The following ZNF407 variants were observed in gnomAD, a reference collection of about 807,000 sequenced individuals.
ZNF407 encodes the protein zinc finger protein 407.
A neutral mutation model predicts 131.2 loss-of-function variants in ZNF407; 17 were observed. The ratio of observed to expected loss-of-function variants is 0.13; its 90% confidence interval spans 0.09 to 0.19. The LOEUF (loss-of-function observed/expected upper bound fraction) is 0.19, where lower values mean the gene tolerates loss of function less well. Among genes scored for constraint, ZNF407 ranks in the 10% least tolerant of loss-of-function variants. ZNF407 has a pLI of 1.00. For missense variants in ZNF407, 2,681 were observed against 2,830.6 expected (o/e 0.95, Z 1.20); for synonymous variants, 1,156 against 1,062.0 (o/e 1.09, Z -1.72).
intron 4 of ZNF407, among the ~76,000 whole-genome samples, chr18:74,831,153 G>A (rs1300533239): frequency 1.3e-5 from 2 of 152,040 alleles, no homozygotes; most frequent in African/African-American, 4.8e-5. Context: ...TATATACCAT[G>A]TTTTCCTTAT....
intron 4 of ZNF407, among the ~76,000 whole-genome samples, chr18:74,870,676 C>T (rs1971073964): frequency 6.6e-6 from 1 of 152,072 alleles, no homozygotes; most frequent in East Asian, 1.9e-4. Context: ...AGCCTTTGTA[C>T]ACACACGTAC....
At chr18:74,774,187 G>A (rs1969420231) in intron 3 of ZNF407, among the ~76,000 whole-genome samples, 1 of 152,256 alleles carries the variant, frequency 6.6e-6, no homozygotes, top group East Asian at 1.9e-4. Flanking sequence ...AGAAAGTGAG[G>A]GTGAGAGAGT....
intron 8 of ZNF407, among the ~76,000 whole-genome samples, chr18:75,052,864 G>A (rs766628024): frequency 6.6e-6 from 1 of 152,170 alleles, no homozygotes; most frequent in African/African-American, 2.4e-5. Context: ...CCTGATCAGC[G>A]TTCGGACCCA....
chr18:74,919,224 T>C (rs970809602), intron 7 of ZNF407, among the ~76,000 whole-genome samples: 1 of 152,240 alleles, frequency 6.6e-6, no homozygotes, highest in Non-Finnish European at 1.5e-5. Flanking sequence ...TCTAGCGTCA[T>C]TGACTGCCTT....
chr18:74,812,772 G>T (rs1242320967), intron 4 of ZNF407, among the ~76,000 whole-genome samples: 1 of 151,950 alleles, frequency 6.6e-6, no homozygotes, highest in Non-Finnish European at 1.5e-5. Context: ...TGTTCTCGTT[G>T]TTCCTTCTCC....
chr18:74,900,500 CTG>C (rs1197678261), intron 7 of ZNF407, among the ~76,000 whole-genome samples: 2 of 152,214 alleles, frequency 1.3e-5, no homozygotes, highest in African/African-American at 4.8e-5. Context: ...CTTGTGTTGA[CTG>C]TGTTTCACTA....
intron 8 of ZNF407, among the ~76,000 whole-genome samples, chr18:75,019,483 T>C (rs1161306217): frequency 5.3e-5 from 8 of 152,182 alleles, no homozygotes; most frequent in Admixed American, 5.2e-4. Flanking sequence ...CCAGAAACAG[T>C]TATTTAAATT....
chr18:75,005,703 C>G (rs954912049), intron 8 of ZNF407, among the ~76,000 whole-genome samples: 1 of 104,770 alleles, frequency 9.5e-6, no homozygotes, highest in Non-Finnish European at 1.9e-5. Context: ...CCCGCCACCC[C>G]CCCCACCCAC....
chr18:74,977,154 G>A (rs746130464), intron 8 of ZNF407, among the ~76,000 whole-genome samples: 1 of 152,212 alleles, frequency 6.6e-6, no homozygotes, highest in Non-Finnish European at 1.5e-5. Flanking sequence ...CTGATGGTCT[G>A]GATAATACTT....
chr18:74,627,846 G>T (rs1009453648), intron 1 of ZNF407, among the ~76,000 whole-genome samples: 2 of 18,770 alleles, frequency 1.1e-4, no homozygotes, highest in African/African-American at 2.2e-4. Flanking sequence ...GCCCCACCCC[G>T]CCCCGCCCCG....
chr18:74,617,577 C>T (rs1284620366), intron 1 of ZNF407, among the ~76,000 whole-genome samples: 2 of 152,038 alleles, frequency 1.3e-5, no homozygotes, highest in African/African-American at 4.8e-5. Context: ...CAATACATTC[C>T]TCTTTTTGTA....
At chr18:74,928,345 A>G (rs1030737193) in intron 8 of ZNF407, among the ~76,000 whole-genome samples, 10 of 152,236 alleles carry the variant, frequency 6.6e-5, no homozygotes, top group African/African-American at 2.2e-4. Flanking sequence ...GATAAGGGGG[A>G]TTGTAGAAGC....
chr18:74,914,871 C>A (rs1011433581), intron 7 of ZNF407, among the ~76,000 whole-genome samples: 3 of 152,154 alleles, frequency 2.0e-5, no homozygotes, highest in African/African-American at 7.2e-5. Context: ...GGAAACTGCT[C>A]AGTCATTGCA....
intron 3 of ZNF407, among the ~76,000 whole-genome samples, chr18:74,764,562 A>G (rs1449595700): frequency 2.0e-5 from 3 of 152,222 alleles, no homozygotes; most frequent in Non-Finnish European, 4.4e-5. Context: ...AAGCAATACA[A>G]TAGAACAACT....
intron 3 of ZNF407, among the ~76,000 whole-genome samples, chr18:74,770,801 G>A (rs893123006): frequency 6.6e-6 from 1 of 152,102 alleles, no homozygotes; most frequent in African/African-American, 2.4e-5. Context: ...ATTTATGTGT[G>A]TTGTAGCTAG....
chr18:75,037,098 G>C (rs1053989590), intron 8 of ZNF407, among the ~76,000 whole-genome samples: 5 of 152,174 alleles, frequency 3.3e-5, no homozygotes, highest in African/African-American at 1.2e-4. Context: ...GCATTCATTA[G>C]GAATTCTCCA....
chr18:74,902,756 G>A (rs991803768), intron 7 of ZNF407, among the ~76,000 whole-genome samples: 1 of 152,178 alleles, frequency 6.6e-6, no homozygotes, highest in Non-Finnish European at 1.5e-5. Flanking sequence ...TAGACTTAGG[G>A]AGCTCTGTAC....
rs190133593 is a variant in ZNF407, at chr18:74,773,663, T to C, written c.4803-7765T>C. 4.0e-3 allele frequency among the ~76,000 whole-genome samples: 605 copies of C among 152,362 alleles called. 4 individuals carry two copies. The highest frequency in any genetic ancestry group is 6.2e-3 in the Non-Finnish European group (423 of 68,038). On this transcript the variant is annotated intron_variant, in intron 3 of 8. Coordinates refer to ENST00000299687, the MANE Select transcript of ZNF407 (RefSeq NM_017757.3). Reference sequence around the variant, plus strand: ...GATTCATTTACAGTAATGTATTTTGTACCACCAGAAAATTTATTATAACAC... The same window carrying C: ...GATTCATTTACAGTAATGTATTTTGCACCACCAGAAAATTTATTATAACAC...
At chr18:74,888,262 G>A (rs1424996176) in intron 6 of ZNF407, among the ~76,000 whole-genome samples, 2 of 151,610 alleles carry the variant, frequency 1.3e-5, no homozygotes, top group African/African-American at 2.4e-5. Context: ...GGGGAGTGAG[G>A]TATTCTCTAA....
Sources: gnomAD v4.1 joint callset for allele counts (sites outside exome capture counted in the v4.1 genomes callset) on GRCh38, gnomAD v4.1.1 for gene constraint, MANE v1.5 for transcripts, NCBI Gene and HGNC (gene_info 2026-07-23, HGNC 2026-07-21) for gene names.